Variants in LAMA1 observed in about 807,000 individuals in gnomAD.
LAMA1 encodes laminin subunit alpha 1.
A neutral mutation model predicts 348.7 loss-of-function variants in LAMA1; 219 were observed. The ratio of observed to expected loss-of-function variants is 0.63; its 90% CI spans 0.56 to 0.70. The LOEUF (loss-of-function observed/expected upper bound fraction) is 0.70, where lower values mean the gene tolerates loss of function less well. Ranked by LOEUF, LAMA1 falls within the 30% of genes least tolerant of loss-of-function variation. The probability of loss-of-function intolerance (pLI) is 0.00; values close to 1 mark genes in which losing one functional copy is unlikely to be tolerated. For synonymous variants in LAMA1, 1,487 were observed against 1,491.0 expected (o/e 1.00, Z 0.06); for missense variants, 3,744 against 3,888.0 (o/e 0.96, Z 0.99).
At chr18:6,984,194 AT>A (rs766871076) in intron 39 of LAMA1, among the ~76,000 whole-genome samples, 1 of 152,102 alleles carries the variant, frequency 6.6e-6, no homozygotes, top group Non-Finnish European at 1.5e-5. Flanking sequence ...GCAGTACTCA[AT>A]TTAGCGCATA....
chr18:7,037,479 G>A lies in LAMA1; in HGVS notation c.1737+99C>T, dbSNP rs2058000382. The A allele has an allele frequency of 2.3e-6, 3 of 1,314,468 alleles. No individual in the cohort carries two copies. The South Asian group carries it at 3.6e-5, about 16-fold the overall frequency. The allele number at this position is 1,314,468 out of a possible 1,614,324, so 81.4% of individuals were successfully genotyped here. A position where few individuals can be genotyped will look rare whatever the true frequency, so the allele number is the denominator to read the frequency against. ...ATGAAATGCTGTCCAACACTCAGGT[G>A]CCCTATGAGACTACCTAAAATGCAG... On this transcript the variant is annotated intron_variant, in intron 12 of 62. Transcript: ENST00000389658.
chr18:7,093,579 T>C (rs1416414103), intron 1 of LAMA1, among the ~76,000 whole-genome samples: 1 of 152,146 alleles, frequency 6.6e-6, no homozygotes, highest in Non-Finnish European at 1.5e-5. Context: ...GTGGAAAAGA[T>C]GTTATGGTTC....
chr18:7,017,146 C>G (rs1049266393), intron 20 of LAMA1, 132 bp downstream of exon 20: 2 of 775,490 alleles, frequency 2.6e-6, no homozygotes, highest in African/African-American at 3.4e-5. Context: ...GATAAATTCC[C>G]CAGTCTTGGG....
chr18:7,010,142 A>T, intron 26 of LAMA1, 58 bp downstream of exon 26: 2 of 1,582,112 alleles, frequency 1.3e-6, no homozygotes, highest in Non-Finnish European at 8.7e-7. Context: ...ATCTTTCACT[A>T]CATCCATAGC....
chr18:6,958,399 T>G (rs2143999178), intron 55 of LAMA1, 78 bp downstream of exon 55: 990 of 1,461,108 alleles, frequency 6.8e-4, no homozygotes, highest in Non-Finnish European at 8.3e-4. Flanking sequence ...AACAGTACAA[T>G]GAGATTTCAG....
chr18:7,100,058 C>CAAA (rs3038921), intron 1 of LAMA1, among the ~76,000 whole-genome samples: 4,823 of 79,188 alleles, frequency 0.061, 549 homozygotes, highest in East Asian at 0.094. Context: ...GACTTTGTCT[C>CAAA]AAAAAAAAAA....
chr18:6,997,802 G>T lies in LAMA1; in HGVS notation c.4746C>A (p.Gly1582=). 1.9e-6 allele frequency: 3 copies of T among 1,613,860 alleles called. No homozygotes were observed. The highest frequency in any genetic ancestry group is 1.1e-5 in the South Asian group (1 of 91,074). The stretch of plus-strand genomic sequence containing the variant: ...AAATTCCATATGGGACAGGGATAAT[G>T]CCAGTGAGGTTCAGAGAAAGAACGG... ...GDAVLSLNLT[G]IIPVPYGILS... Residue 1582 remains glycine (G), a synonymous_variant, in exon 33 of 63, where the codon GGC becomes GGA. Coordinates refer to ENST00000389658, the MANE Select transcript of LAMA1 (RefSeq NM_005559.4).
Position 7,117,655 on chromosome 18 carries a change from C to A in LAMA1, c.61+5G>T. 1 of 1,597,244 alleles carries A rather than the reference C, an allele frequency of 6.3e-7. No homozygotes were observed. Among genetic ancestry groups the A allele is most frequent in the South Asian group, 1.1e-5 (1 of 90,746 alleles). On this transcript the variant is annotated splice_donor_5th_base_variant and intron_variant, in intron 1 of 62. Transcript: ENST00000389658. ...CAGGGACCCTAGGACCCGGGCCGGG[C>A]TCACCTCTCTGCCGGCACTGCGCGG...
intron 1 of LAMA1, among the ~76,000 whole-genome samples, chr18:7,111,203 T>A (rs1288813744): frequency 6.6e-6 from 1 of 152,088 alleles, no homozygotes; most frequent in Non-Finnish European, 1.5e-5. Flanking sequence ...AGATTCAAAC[T>A]TCAAATGGTT....
At chr18:7,044,530 A>G (rs916855117) in intron 7 of LAMA1, among the ~76,000 whole-genome samples, 192 bp downstream of exon 7, 2 of 152,240 alleles carry the variant, frequency 1.3e-5, no homozygotes, top group East Asian at 1.9e-4. Context: ...ACTCATAGAT[A>G]AAACAGCAAA....
At chr18:7,052,064 T>A (rs1420212572) in intron 3 of LAMA1, among the ~76,000 whole-genome samples, 1 of 152,256 alleles carries the variant, frequency 6.6e-6, no homozygotes, top group East Asian at 1.9e-4. Flanking sequence ...CTATGGTGCA[T>A]GCAGACCATG....
At chr18:7,018,939 G>A (rs2057902666) in intron 19 of LAMA1, among the ~76,000 whole-genome samples, 1 of 152,048 alleles carries the variant, frequency 6.6e-6, no homozygotes, top group Non-Finnish European at 1.5e-5. Flanking sequence ...TGGAGTGGGG[G>A]CCTTAATGCT....
intron 1 of LAMA1, among the ~76,000 whole-genome samples, chr18:7,085,591 T>C (rs2058212814): frequency 1.3e-5 from 2 of 151,966 alleles, no homozygotes; most frequent in Non-Finnish European, 2.9e-5. Context: ...GCTAATTTTT[T>C]GTATTTTTAG....
intron 10 of LAMA1, 141 bp downstream of exon 10, chr18:7,039,935 G>T: frequency 1.1e-6 from 1 of 922,044 alleles, no homozygotes; most frequent in Non-Finnish European, 1.7e-6. Flanking sequence ...ACTCGGTGTG[G>T]CTTGGAGAGA....
chr18:7,051,187 T>C (rs1015383883), intron 3 of LAMA1, among the ~76,000 whole-genome samples: 3 of 152,210 alleles, frequency 2.0e-5, no homozygotes, highest in African/African-American at 7.2e-5. Flanking sequence ...TAGTGTACTG[T>C]ATACTAGAAA....
chr18:7,008,397 A>G (rs1600389679), intron 28 of LAMA1, 91 bp downstream of exon 28: 1 of 1,417,024 alleles, frequency 7.1e-7, no homozygotes, highest in East Asian at 2.3e-5. Context: ...TATAGTAGAT[A>G]CACATAAGTT....
At chr18:7,005,998 G>A (rs886994967) in intron 29 of LAMA1, among the ~76,000 whole-genome samples, 2 of 152,110 alleles carry the variant, frequency 1.3e-5, no homozygotes, top group African/African-American at 4.8e-5. Flanking sequence ...CAGGATCTCC[G>A]AGGCTTCGGG....
intron 1 of LAMA1, among the ~76,000 whole-genome samples, chr18:7,115,877 G>A (rs1197388512): frequency 6.6e-6 from 1 of 151,062 alleles, no homozygotes; most frequent in Non-Finnish European, 1.5e-5. Flanking sequence ...AGCTACTCGG[G>A]AGGCTGAGGC....
At chr18:7,080,582 T>C (rs1045208485) in intron 1 of LAMA1, 125 bp from the exon 2 acceptor site, 6 of 975,020 alleles carry the variant, frequency 6.2e-6, no homozygotes, top group Non-Finnish European at 9.6e-6. Context: ...AAGGAATCCT[T>C]ACACAAACAC....
Sources: allele counts gnomAD v4.1 joint callset (sites outside exome capture counted in the v4.1 genomes callset), GRCh38; gene constraint gnomAD v4.1.1; transcripts MANE v1.5; gene names NCBI Gene and HGNC (gene_info 2026-07-23, HGNC 2026-07-21).